Variants in SNX29 observed in about 807,000 individuals in gnomAD.
SNX29 encodes the protein sorting nexin-29.
In SNX29, 78 loss-of-function variants were observed where a neutral mutation model predicts 102.1. The ratio of observed to expected loss-of-function variants is 0.76; its 90% CI spans 0.64 to 0.92. The LOEUF (loss-of-function observed/expected upper bound fraction) is 0.92. Among genes scored for constraint, SNX29 ranks in the 40% least tolerant of loss-of-function variants. The probability of loss-of-function intolerance (pLI) is 0.00; values close to 1 mark genes in which losing one functional copy is unlikely to be tolerated. For synonymous variants in SNX29, 580 were observed against 414.5 expected (o/e 1.40, Z -4.85); for missense variants, 1,280 against 1,061.7 (o/e 1.21, Z -2.86).
chr16:12,078,999 C>A, intron 11 of SNX29, 84 bp downstream of exon 11: 1 of 1,223,306 alleles, frequency 8.2e-7, no homozygotes, highest in Non-Finnish European at 1.1e-6. Flanking sequence ...GCTTCTAACC[C>A]TGTGACTGTG....
intron 11 of SNX29, among the ~76,000 whole-genome samples, chr16:12,079,173 T>A (rs1339849099): frequency 6.6e-6 from 1 of 152,252 alleles, no homozygotes. Flanking sequence ...GTTCCAGGTT[T>A]TGGGGTTTGC....
intron 18 of SNX29, among the ~76,000 whole-genome samples, chr16:12,460,657 CTTT>C (rs56823217): frequency 9.7e-5 from 13 of 133,666 alleles, no homozygotes; most frequent in African/African-American, 2.0e-4. Flanking sequence ...TGTGTGAACT[CTTT>C]TTTTTTTTTT....
At chr16:12,538,179 G>C (rs1288589075) in intron 20 of SNX29, among the ~76,000 whole-genome samples, 2 of 152,112 alleles carry the variant, frequency 1.3e-5, no homozygotes, top group African/African-American at 4.8e-5. Flanking sequence ...GCAGTGGTGT[G>C]ATCTAGGCTC....
chr16:12,130,608 C>T (rs1042337131), intron 13 of SNX29, among the ~76,000 whole-genome samples: 7 of 152,008 alleles, frequency 4.6e-5, no homozygotes, highest in African/African-American at 1.4e-4. Context: ...GTGCAAGTCC[C>T]CTTCTCTTAT....
intron 1 of SNX29, among the ~76,000 whole-genome samples, chr16:11,987,674 C>T (rs374287396): frequency 1.2e-4 from 19 of 152,264 alleles, no homozygotes; most frequent in African/African-American, 3.6e-4. Flanking sequence ...GGATTACAGG[C>T]GTGAGCCAGC....
chr16:12,082,361 C>T lies in SNX29; in HGVS notation c.1402+3446C>T, dbSNP rs1030657494. ...GGCCGGGGCTGAGGTCCCAGCATCT[C>T]AGATAAACACGGTTTGCTTTGTCAG... On this transcript the variant is annotated intron_variant, in intron 11 of 20. Transcript: ENST00000566228. Among the ~76,000 whole-genome samples the T allele has an allele frequency of 2.6e-5, 4 of 152,188 alleles. 1 individual carries two copies. Among genetic ancestry groups the T allele is most frequent in the Admixed American group, 2.6e-4 (4 of 15,272 alleles).
intron 18 of SNX29, among the ~76,000 whole-genome samples, chr16:12,471,610 C>G (rs779806824): frequency 1.3e-5 from 2 of 152,214 alleles, no homozygotes; most frequent in African/African-American, 4.8e-5. Context: ...TACCTCCTGC[C>G]CCATCTACGG....
At chr16:12,519,664 T>A (rs893923086) in intron 19 of SNX29, among the ~76,000 whole-genome samples, 3 of 152,230 alleles carry the variant, frequency 2.0e-5, no homozygotes, top group Non-Finnish European at 2.9e-5. Context: ...TTGTGGAGAT[T>A]CATTAAAATT....
chr16:12,246,324 G>T (rs2078258457), intron 14 of SNX29, among the ~76,000 whole-genome samples: 3 of 151,942 alleles, frequency 2.0e-5, no homozygotes, highest in Non-Finnish European at 4.4e-5. Flanking sequence ...CAGTGCTAAT[G>T]CCCTCAATGT....
chr16:12,551,993 T>G (rs1433942534), intron 20 of SNX29, among the ~76,000 whole-genome samples: 1 of 152,150 alleles, frequency 6.6e-6, no homozygotes, highest in Non-Finnish European at 1.5e-5. Flanking sequence ...TCAAAGTAGC[T>G]CCTGCTGGTC....
At chr16:12,362,551 ACTCCC>A (rs563697635) in intron 16 of SNX29, among the ~76,000 whole-genome samples, 2,180 of 23,134 alleles carry the variant, frequency 0.094, 31 homozygotes, top group African/African-American at 0.16. Flanking sequence ...TGGCTGCTGC[ACTCCC>A]CCCCCACCCC....
chr16:12,041,288 T>A (rs1163751598), intron 4 of SNX29, among the ~76,000 whole-genome samples: 1 of 152,064 alleles, frequency 6.6e-6, no homozygotes, highest in African/African-American at 2.4e-5. Flanking sequence ...ATTATTGTAT[T>A]TTTAGTAGAG....
chr16:12,535,876 G>T (rs1020786377), intron 20 of SNX29, among the ~76,000 whole-genome samples: 1 of 152,174 alleles, frequency 6.6e-6, no homozygotes, highest in African/African-American at 2.4e-5. Context: ...GCTGTCCAAG[G>T]TCCTACCCAT....
chr16:12,236,045 C>G (rs1482173752), intron 14 of SNX29, among the ~76,000 whole-genome samples: 1 of 152,162 alleles, frequency 6.6e-6, no homozygotes, highest in Admixed American at 6.6e-5. Context: ...CCTGTCCTCT[C>G]TGTCTCATAT....
intron 16 of SNX29, among the ~76,000 whole-genome samples, chr16:12,388,611 C>T (rs551274593): frequency 6.6e-6 from 1 of 152,348 alleles, no homozygotes; most frequent in Non-Finnish European, 1.5e-5. Context: ...TGTTACTCCA[C>T]TTTGCTGATG....
At chr16:12,167,020 G>A (rs528467979) in intron 13 of SNX29, among the ~76,000 whole-genome samples, 1 of 152,292 alleles carries the variant, frequency 6.6e-6, no homozygotes, top group Admixed American at 6.5e-5. Context: ...TTCTGTTACA[G>A]TCTTCCACAT....
intron 5 of SNX29, 117 bp from the exon 6 acceptor site, chr16:12,046,267 T>G (rs2050085756): frequency 1.0e-6 from 1 of 954,752 alleles, no homozygotes; most frequent in East Asian, 2.7e-5. Flanking sequence ...ACAAATCATA[T>G]CCCTCTTGGG....
intron 13 of SNX29, among the ~76,000 whole-genome samples, chr16:12,183,752 A>AGGT (rs2076446971): frequency 6.6e-6 from 1 of 152,204 alleles, no homozygotes. Flanking sequence ...ATGAGATAGG[A>AGGT]GGTCGGCACA....
intron 20 of SNX29, among the ~76,000 whole-genome samples, chr16:12,558,457 C>G (rs1474707581): frequency 3.9e-5 from 6 of 152,194 alleles, no homozygotes; most frequent in African/African-American, 4.8e-5. Flanking sequence ...TCTGTATGAA[C>G]TTAATGCCAT....
Sources: allele counts gnomAD v4.1 joint callset (sites outside exome capture counted in the v4.1 genomes callset), GRCh38; gene constraint gnomAD v4.1.1; transcripts MANE v1.5; gene names NCBI Gene and HGNC (gene_info 2026-07-23, HGNC 2026-07-21).